SLC25A21: variants seen among roughly 807,000 people sequenced by gnomAD.
SLC25A21 encodes solute carrier family 25 member 21.
SLC25A21 carries 47 observed loss-of-function variants against 43.8 expected under a neutral mutation model. That is an observed-to-expected ratio of 1.07 (90% CI 0.85 to 1.37). The LOEUF (loss-of-function observed/expected upper bound fraction) is 1.37. Among genes scored for constraint, SLC25A21 ranks in the 40% most tolerant of loss-of-function variants. SLC25A21 has a pLI of 0.00. For synonymous variants in SLC25A21, 131 were observed against 121.3 expected (o/e 1.08, Z -0.52); for missense variants, 352 against 350.2 (o/e 1.00, Z -0.04).
chr14:37,028,501 C>T (rs1173835000), intron 1 of SLC25A21, among the ~76,000 whole-genome samples: 1 of 151,984 alleles, frequency 6.6e-6, no homozygotes, highest in Admixed American at 6.6e-5. Flanking sequence ...TATTGATGTT[C>T]CAGTATTTAT....
intron 1 of SLC25A21, among the ~76,000 whole-genome samples, chr14:37,140,517 C>G (rs1963552422): frequency 6.6e-6 from 1 of 152,174 alleles, no homozygotes; most frequent in East Asian, 1.9e-4. Context: ...TTGCCCTGCA[C>G]CCTCACTGAG....
intron 1 of SLC25A21, among the ~76,000 whole-genome samples, chr14:36,921,648 G>T (rs564252478): frequency 2.6e-5 from 4 of 152,268 alleles, no homozygotes; most frequent in African/African-American, 9.6e-5. Flanking sequence ...AAGGGTGGCA[G>T]ATTTTGGAAT....
In SLC25A21 at chr14:37,160,190, C is replaced by T. The variant is rs866473260; in HGVS notation, c.70+12091G>A. Among the ~76,000 whole-genome samples the T allele has an allele frequency of 3.9e-5, 6 of 152,266 alleles. No homozygotes were observed. In the South Asian group the frequency reaches 1.2e-3, roughly 32 times the overall value. ...AAAAAAACTAAAAATAGAATTACCA[C>T]TCGATCCAGCAATTCCACTACTGGG... is the stretch of plus-strand genomic sequence containing the variant. On this transcript the variant is annotated intron_variant, in intron 1 of 9. Coordinates refer to ENST00000331299, the MANE Select transcript of SLC25A21 (RefSeq NM_030631.4).
intron 1 of SLC25A21, among the ~76,000 whole-genome samples, chr14:37,139,043 T>C (rs1014250290): frequency 9.9e-5 from 15 of 152,110 alleles, no homozygotes; most frequent in Non-Finnish European, 1.9e-4. Context: ...CCATAAAAGA[T>C]AGAACATTTT....
chr14:37,083,041 A>G (rs1962418388), intron 1 of SLC25A21, among the ~76,000 whole-genome samples: 1 of 152,190 alleles, frequency 6.6e-6, no homozygotes, highest in South Asian at 2.1e-4. Flanking sequence ...TGTCTCATCA[A>G]TTTCAAGTTT....
intron 1 of SLC25A21, among the ~76,000 whole-genome samples, chr14:36,937,469 C>T (rs1041526620): frequency 2.0e-5 from 3 of 152,136 alleles, no homozygotes; most frequent in Admixed American, 6.5e-5. Context: ...GTTTCCATTG[C>T]GGCCTATTGG....
rs139463879 is a variant in SLC25A21 at position 36,983,201 on chromosome 14, C to T, written c.71-108197G>A. ...AGATGTTCTAGATAGCATACACTTA[C>T]GAAGTGCATTTTCAATGAGTAGTCC... On this transcript the variant is annotated intron_variant, in intron 1 of 9. Coordinates refer to ENST00000331299, the MANE Select transcript of SLC25A21 (RefSeq NM_030631.4). Among the ~76,000 whole-genome samples, 16 of 152,286 alleles carry T rather than the reference C, an allele frequency of 1.1e-4. No homozygotes were observed. In the South Asian group the frequency reaches 1.7e-3, roughly 16 times the overall value.
rs767875543 is a variant in SLC25A21, at chr14:36,678,594, AC to A, written c.*2063del. ...CAGGGACTCTCCTGTCATCTGAAAAACTGATGTAAGGTACAGAACTATTCTT... is the reference window on the plus strand; with the variant it reads ...CAGGGACTCTCCTGTCATCTGAAAAATGATGTAAGGTACAGAACTATTCTT... On this transcript the variant is annotated 3_prime_UTR_variant, in exon 10 of 10. Coordinates refer to ENST00000331299, the MANE Select transcript of SLC25A21 (RefSeq NM_030631.4). 23 of 1,508,366 alleles carry A rather than the reference AC, an allele frequency of 1.5e-5. No individual in the cohort carries two copies. Among genetic ancestry groups the A allele is most frequent in the Non-Finnish European group, 1.9e-5 (21 of 1,133,498 alleles). 93.4% of individuals were successfully genotyped at this position (1,508,366 alleles called of 1,614,324 possible). A position where few individuals can be genotyped will look rare whatever the true frequency, so the allele number is the denominator to read the frequency against.
chr14:36,813,072 TA>T (rs869070940), intron 3 of SLC25A21, among the ~76,000 whole-genome samples: 2 of 152,152 alleles, frequency 1.3e-5, no homozygotes, highest in Admixed American at 6.6e-5. Flanking sequence ...ACTGGATAGT[TA>T]AAAAAATTTT....
At chr14:37,041,943 G>C (rs28466578) in intron 1 of SLC25A21, among the ~76,000 whole-genome samples, 59,099 of 151,736 alleles carry the variant, frequency 0.39, 12,142 homozygotes, top group African/African-American at 0.53. Flanking sequence ...GTAAATGGCT[G>C]TAAGGAGGTC....
chr14:36,927,396 C>G (rs929487458), intron 1 of SLC25A21, among the ~76,000 whole-genome samples: 4 of 152,188 alleles, frequency 2.6e-5, no homozygotes, highest in African/African-American at 9.6e-5. Flanking sequence ...TAACCTGAAC[C>G]TATTCTTTAT....
chr14:36,682,664 A>G (rs2415358), intron 9 of SLC25A21, among the ~76,000 whole-genome samples: 26,678 of 152,046 alleles, frequency 0.18, 3,545 homozygotes, highest in African/African-American at 0.34. Flanking sequence ...TGAAGGAAAA[A>G]CACCACATAC....
chr14:37,069,732 T>G (rs959250620), intron 1 of SLC25A21, among the ~76,000 whole-genome samples: 2 of 152,224 alleles, frequency 1.3e-5, no homozygotes, highest in Non-Finnish European at 2.9e-5. Context: ...AATAAAAGAA[T>G]AGAGGCCCTT....
chr14:37,090,241 A>C (rs1350781619), intron 1 of SLC25A21, among the ~76,000 whole-genome samples: 1 of 152,106 alleles, frequency 6.6e-6, no homozygotes, highest in Non-Finnish European at 1.5e-5. Context: ...GTCAAACTCA[A>C]CTCCTGGATT....
rs79451601 is a variant in SLC25A21, at chr14:36,705,059, T to C, written c.603+6259A>G. On this transcript the variant is annotated intron_variant, in intron 7 of 9. Coordinates refer to ENST00000331299, the MANE Select transcript of SLC25A21 (RefSeq NM_030631.4). ...CCTGAGTTACCGGGGCTTACCGTTA[T>C]TTTTTTTTTGAGACGGATCTCACTC... 4.7e-3 allele frequency among the ~76,000 whole-genome samples: 711 copies of C among 150,314 alleles called. 10 individuals are homozygous for C. The highest frequency in any genetic ancestry group is 0.027 in the East Asian group (139 of 5,150).
intron 2 of SLC25A21, among the ~76,000 whole-genome samples, chr14:36,822,008 A>C (rs922848906): frequency 6.6e-6 from 1 of 152,216 alleles, no homozygotes; most frequent in African/African-American, 2.4e-5. Context: ...TACAAGGAAC[A>C]AGGTTAAGGG....
At chr14:37,101,761 A>G (rs1164802918) in intron 1 of SLC25A21, among the ~76,000 whole-genome samples, 1 of 152,226 alleles carries the variant, frequency 6.6e-6, no homozygotes, top group Non-Finnish European at 1.5e-5. Context: ...AAGCCCATAT[A>G]GGTATAGAAA....
chr14:37,098,774 C>T (rs1170030759), intron 1 of SLC25A21, among the ~76,000 whole-genome samples: 1,450 of 119,926 alleles, frequency 0.012, 28 homozygotes, highest in African/African-American at 0.036. Context: ...GACAGACAGA[C>T]AGACAGACAG....
intron 3 of SLC25A21, among the ~76,000 whole-genome samples, chr14:36,760,394 A>C (rs1355387084): frequency 1.3e-5 from 2 of 149,980 alleles, no homozygotes; most frequent in Non-Finnish European, 3.0e-5. Context: ...GAAGGAAGGC[A>C]GGCCTCATGA....
Sources: gnomAD v4.1 joint callset for allele counts (sites outside exome capture counted in the v4.1 genomes callset) on GRCh38, gnomAD v4.1.1 for gene constraint, MANE v1.5 for transcripts, NCBI Gene and HGNC (gene_info 2026-07-23, HGNC 2026-07-21) for gene names.